MYO1D: variants seen among roughly 807,000 people sequenced by gnomAD.
MYO1D encodes the protein myosin ID.
In MYO1D, 83 loss-of-function variants were observed where a neutral mutation model predicts 122.0. The ratio of observed to expected loss-of-function variants is 0.68; its 90% CI spans 0.57 to 0.82. The LOEUF is 0.82. Among genes scored for constraint, MYO1D ranks in the 40% least tolerant of loss-of-function variants. The probability of loss-of-function intolerance (pLI) is 0.00; values close to 1 mark genes in which losing one functional copy is unlikely to be tolerated. For synonymous variants in MYO1D, 464 were observed against 446.9 expected (o/e 1.04, Z -0.48); for missense variants, 1,157 against 1,269.5 (o/e 0.91, Z 1.35).
At chr17:32,645,403 G>A (rs2088273943) in intron 19 of MYO1D, among the ~76,000 whole-genome samples, 1 of 152,150 alleles carries the variant, frequency 6.6e-6, no homozygotes, top group African/African-American at 2.4e-5. Flanking sequence ...TTCTCGAGGA[G>A]TATCTTTGTG....
intron 8 of MYO1D, among the ~76,000 whole-genome samples, chr17:32,760,859 T>C (rs571243749): frequency 6.6e-6 from 1 of 152,302 alleles, no homozygotes; most frequent in East Asian, 1.9e-4. Context: ...TACCGGTCAT[T>C]ATACCAATTC....
intron 21 of MYO1D, among the ~76,000 whole-genome samples, chr17:32,528,434 G>A (rs1266459870): frequency 6.6e-6 from 1 of 152,056 alleles, no homozygotes; most frequent in Admixed American, 6.6e-5. Context: ...AGAACTTAGG[G>A]GTGTGTATAT....
Position 32,748,198 on chromosome 17 carries a change from A to G in MYO1D, c.1538+738T>C, listed in dbSNP as rs1459139193. 5.3e-5 allele frequency among the ~76,000 whole-genome samples: 8 copies of G among 152,358 alleles called. No homozygotes were observed. The East Asian group carries it at 1.5e-3, about 29-fold the overall frequency. On this transcript the variant is annotated intron_variant, in intron 12 of 21. Transcript: ENST00000318217. The stretch of plus-strand genomic sequence containing the variant: ...ACTTTATTGTATTGTTAATAAAAAT[A>G]CGGCTAGTAAGAGTTTTACTTTTTA...
intron 21 of MYO1D, among the ~76,000 whole-genome samples, chr17:32,566,128 G>C (rs747125965): frequency 1.3e-5 from 2 of 152,058 alleles, no homozygotes; most frequent in East Asian, 1.9e-4. Context: ...GCTTCTAGAC[G>C]GGGAGGTAGA....
intron 1 of MYO1D, among the ~76,000 whole-genome samples, chr17:32,834,267 C>CTCAT (rs1276788891): frequency 6.6e-6 from 1 of 152,156 alleles, no homozygotes; most frequent in Non-Finnish European, 1.5e-5. Context: ...TAACAAATTG[C>CTCAT]TCATTCATTC....
At chr17:32,861,226 C>T (rs1267608933) in intron 1 of MYO1D, among the ~76,000 whole-genome samples, 1 of 151,984 alleles carries the variant, frequency 6.6e-6, no homozygotes, top group Non-Finnish European at 1.5e-5. Context: ...CCACCACACG[C>T]AGCTAATTTT....
chr17:32,677,689 G>A lies in MYO1D; in HGVS notation c.2122-18351C>T, dbSNP rs557956882. Among the ~76,000 whole-genome samples, 48 of 150,970 alleles carry A rather than the reference G, an allele frequency of 3.2e-4. 1 individual carries two copies. The highest frequency in any genetic ancestry group is 6.9e-3 in the Middle Eastern group (2 of 290). On this transcript the variant is annotated intron_variant, in intron 16 of 21. Transcript: ENST00000318217. ...TAAAGTATGATGAAAAGGGCATACG[G>A]TATAGTTTTTAATATATGTCATAAT...
At chr17:32,822,755 C>CG (rs1184884307) in intron 1 of MYO1D, among the ~76,000 whole-genome samples, 11 of 151,480 alleles carry the variant, frequency 7.3e-5, no homozygotes, top group Admixed American at 5.9e-4. Context: ...CAGCAGGCGG[C>CG]GAGGCCCGGG....
At chr17:32,752,198 G>A (rs2089905576) in intron 11 of MYO1D, among the ~76,000 whole-genome samples, 1 of 152,108 alleles carries the variant, frequency 6.6e-6, no homozygotes, top group South Asian at 2.1e-4. Flanking sequence ...TATTCACTAA[G>A]TGGTACTGGG....
intron 19 of MYO1D, among the ~76,000 whole-genome samples, chr17:32,652,924 G>A (rs962570093): frequency 2.6e-4 from 40 of 152,250 alleles, no homozygotes; most frequent in African/African-American, 8.2e-4. Flanking sequence ...GGCGGATCAC[G>A]AGGTCAGGAG....
intron 1 of MYO1D, among the ~76,000 whole-genome samples, chr17:32,867,595 G>A (rs1258932419): frequency 2.6e-5 from 4 of 151,666 alleles, no homozygotes; most frequent in Admixed American, 1.3e-4. Flanking sequence ...TCAGGAGTTC[G>A]AGACCAGCCT....
At chr17:32,726,542 T>A (rs1269639810) in intron 14 of MYO1D, among the ~76,000 whole-genome samples, 1 of 150,528 alleles carries the variant, frequency 6.6e-6, no homozygotes, top group African/African-American at 2.4e-5. Flanking sequence ...AATAAATAGA[T>A]ATAATAGATG....
intron 10 of MYO1D, among the ~76,000 whole-genome samples, chr17:32,759,245 A>G (rs1439141877): frequency 1.3e-5 from 2 of 152,098 alleles, no homozygotes; most frequent in East Asian, 3.8e-4. Flanking sequence ...ATTTATGCCA[A>G]TATACCTGAG....
intron 1 of MYO1D, among the ~76,000 whole-genome samples, chr17:32,801,662 T>C (rs1346325163): frequency 6.6e-6 from 1 of 152,240 alleles, no homozygotes; most frequent in African/African-American, 2.4e-5. Flanking sequence ...ATATGGTACC[T>C]GTCAATAAAT....
chr17:32,852,443 A>G (rs2090997311), intron 1 of MYO1D, among the ~76,000 whole-genome samples: 1 of 152,194 alleles, frequency 6.6e-6, no homozygotes, highest in Non-Finnish European at 1.5e-5. Context: ...AAAGTTTTAC[A>G]TTTGTTTATG....
intron 10 of MYO1D, among the ~76,000 whole-genome samples, chr17:32,759,316 C>A (rs145868844): frequency 1.3e-5 from 2 of 151,790 alleles, no homozygotes; most frequent in Non-Finnish European, 2.9e-5. Flanking sequence ...AATTTTGAGG[C>A]GGGAAAGCTA....
In MYO1D at chr17:32,605,256, T is replaced by C. The variant is rs1382736838; in HGVS notation, c.2710-15A>G. The C allele has an allele frequency of 1.3e-6, 2 of 1,535,110 alleles. No individual in the cohort carries two copies. The highest frequency in any genetic ancestry group is 1.8e-5 in the Admixed American group (1 of 56,104). ...AGACCAGTCAACTGCAAAGAGAAAA[T>C]GCATGGAAAACTATTTGGATCATTC... On this transcript the variant is annotated splice_polypyrimidine_tract_variant and intron_variant, in intron 20 of 21. Transcript: ENST00000318217.
intron 15 of MYO1D, among the ~76,000 whole-genome samples, chr17:32,713,713 C>T (rs535446665): frequency 5.9e-5 from 9 of 152,214 alleles, no homozygotes; most frequent in South Asian, 2.1e-4. Context: ...CTGCAACCCC[C>T]GCCTCCCGGT....
Position 32,654,636 on chromosome 17 carries a change from A to G in MYO1D, c.2346-15T>C. 3 of 1,588,262 alleles carry G rather than the reference A, an allele frequency of 1.9e-6. No homozygotes were observed. Among genetic ancestry groups the G allele is most frequent in the South Asian group, 2.3e-5 (2 of 87,328 alleles). On this transcript the variant is annotated splice_polypyrimidine_tract_variant and intron_variant, in intron 17 of 21. Coordinates refer to ENST00000318217, the MANE Select transcript of MYO1D (RefSeq NM_015194.3). Reference sequence around the variant, plus strand: ...ATGCTCTCCATCTACAAGTAAATAGACAACATGTATTAGACTTTAGAAATG... The same window carrying G: ...ATGCTCTCCATCTACAAGTAAATAGGCAACATGTATTAGACTTTAGAAATG...
Sources: gnomAD v4.1 joint callset for allele counts (sites outside exome capture counted in the v4.1 genomes callset) on GRCh38, gnomAD v4.1.1 for gene constraint, MANE v1.5 for transcripts, NCBI Gene and HGNC (gene_info 2026-07-23, HGNC 2026-07-21) for gene names.